The following FBXL7 variants were observed in gnomAD, a reference collection of about 807,000 sequenced individuals.
The protein encoded by FBXL7 is F-box/LRR-repeat protein 7.
Under a neutral mutation model 38.3 loss-of-function variants are expected in FBXL7, and 12 were observed. The ratio of observed to expected loss-of-function variants is 0.31; its 90% CI spans 0.20 to 0.51. The LOEUF (loss-of-function observed/expected upper bound fraction) is 0.51. Ranked by LOEUF, FBXL7 falls within the 20% of genes least tolerant of loss-of-function variation. The pLI is 0.98. For missense variants in FBXL7, 567 were observed against 676.4 expected (o/e 0.84, Z 1.79); for synonymous variants, 297 against 300.9 (o/e 0.99, Z 0.13).
intron 2 of FBXL7, among the ~76,000 whole-genome samples, chr5:15,924,324 A>T (rs1326988654): frequency 6.6e-6 from 1 of 152,232 alleles, no homozygotes; most frequent in Non-Finnish European, 1.5e-5. Flanking sequence ...TCAATTCAAG[A>T]TGTTTGTTGT....
At chr5:15,730,010 G>T (rs1289940232) in intron 2 of FBXL7, among the ~76,000 whole-genome samples, 2 of 152,240 alleles carry the variant, frequency 1.3e-5, no homozygotes, top group Non-Finnish European at 2.9e-5. Flanking sequence ...GTTCCCATGA[G>T]AAACAAATAC....
chr5:15,808,265 C>T (rs1002169666), intron 2 of FBXL7, among the ~76,000 whole-genome samples: 3 of 151,998 alleles, frequency 2.0e-5, no homozygotes, highest in African/African-American at 7.3e-5. Context: ...TATCAAATTC[C>T]ACAGATCTCT....
At chr5:15,608,474 G>A (rs1740107503) in intron 1 of FBXL7, among the ~76,000 whole-genome samples, 1 of 152,158 alleles carries the variant, frequency 6.6e-6, no homozygotes, top group Non-Finnish European at 1.5e-5. Flanking sequence ...TTGCTGTGGT[G>A]GTTACTTTTA....
At chr5:15,721,630 G>A (rs1024853894) in intron 2 of FBXL7, among the ~76,000 whole-genome samples, 1 of 151,960 alleles carries the variant, frequency 6.6e-6, no homozygotes, top group African/African-American at 2.4e-5. Context: ...TTACAAGAGA[G>A]GTGATCTTTT....
intron 2 of FBXL7, among the ~76,000 whole-genome samples, chr5:15,728,241 T>G (rs1226301634): frequency 2.6e-5 from 4 of 152,182 alleles, no homozygotes; most frequent in African/African-American, 9.7e-5. Context: ...TTGGTTTGTT[T>G]TTTTCCTCTG....
chr5:15,575,630 C>T (rs1283287782), intron 1 of FBXL7, among the ~76,000 whole-genome samples: 1 of 152,086 alleles, frequency 6.6e-6, no homozygotes, highest in Non-Finnish European at 1.5e-5. Context: ...GTTTTTGTTT[C>T]TTTGTGCTTG....
chr5:15,637,022 G>A (rs1741209302), intron 2 of FBXL7, among the ~76,000 whole-genome samples: 1 of 152,140 alleles, frequency 6.6e-6, no homozygotes, highest in African/African-American at 2.4e-5. Flanking sequence ...TTTTGGCAGA[G>A]AGGAAAGATG....
intron 2 of FBXL7, among the ~76,000 whole-genome samples, chr5:15,634,836 C>T (rs1437618476): frequency 6.6e-6 from 1 of 152,112 alleles, no homozygotes; most frequent in Non-Finnish European, 1.5e-5. Flanking sequence ...TCTCCTGCAT[C>T]TTTAAAGCCA....
At chr5:15,861,768 G>A (rs1188189747) in intron 2 of FBXL7, among the ~76,000 whole-genome samples, 1 of 152,166 alleles carries the variant, frequency 6.6e-6, no homozygotes, top group Non-Finnish European at 1.5e-5. Flanking sequence ...GCCCTCTTCA[G>A]GTCACCTGGT....
At chr5:15,830,779 CTG>C (rs1738435759) in intron 2 of FBXL7, among the ~76,000 whole-genome samples, 1 of 152,140 alleles carries the variant, frequency 6.6e-6, no homozygotes, top group Non-Finnish European at 1.5e-5. Context: ...TCCCTATTGA[CTG>C]TGCCCAAAGG....
chr5:15,929,680 G>C (rs958940000), intron 3 of FBXL7, among the ~76,000 whole-genome samples: 1 of 151,208 alleles, frequency 6.6e-6, no homozygotes, highest in African/African-American at 2.4e-5. Flanking sequence ...TGGCTGCTTT[G>C]CTTGGAAACC....
chr5:15,799,684 AAAG>A (rs2126739781), intron 2 of FBXL7, among the ~76,000 whole-genome samples: 1 of 152,254 alleles, frequency 6.6e-6, no homozygotes, highest in African/African-American at 2.4e-5. Context: ...AAAAAGGAAA[AAAG>A]GTCACAATGC....
intron 2 of FBXL7, among the ~76,000 whole-genome samples, chr5:15,830,031 G>T (rs906259985): frequency 1.3e-5 from 2 of 152,116 alleles, no homozygotes; most frequent in South Asian, 4.1e-4. Context: ...CATTTAGCAC[G>T]TTTTTTGCCC....
intron 1 of FBXL7, among the ~76,000 whole-genome samples, chr5:15,517,970 T>G (rs626130): frequency 0.035 from 5,272 of 152,116 alleles, 307 homozygotes; most frequent in African/African-American, 0.12. Flanking sequence ...CAGTGTTTTT[T>G]TGTGTGTGTT....
At chr5:15,710,164 C>G (rs1579397164) in intron 2 of FBXL7, among the ~76,000 whole-genome samples, 1 of 152,244 alleles carries the variant, frequency 6.6e-6, no homozygotes, top group East Asian at 1.9e-4. Context: ...GCCAAAAACC[C>G]CTAGGGGTTC....
chr5:15,731,464 A>T (rs557261927), intron 2 of FBXL7, among the ~76,000 whole-genome samples: 80 of 152,292 alleles, frequency 5.3e-4, no homozygotes, highest in Non-Finnish European at 9.4e-4. Flanking sequence ...TGATTCAGTC[A>T]TCTCCCACTG....
At chr5:15,865,209 G>A (rs186788857) in intron 2 of FBXL7, among the ~76,000 whole-genome samples, 14 of 152,276 alleles carry the variant, frequency 9.2e-5, no homozygotes, top group African/African-American at 3.4e-4. Flanking sequence ...TCCAGCTTCT[G>A]TGGGAGAGGA....
intron 2 of FBXL7, among the ~76,000 whole-genome samples, chr5:15,787,179 T>G (rs1737154313): frequency 1.3e-5 from 2 of 152,208 alleles, no homozygotes; most frequent in Non-Finnish European, 2.9e-5. Context: ...ACATTTCTGT[T>G]GTTTTTAAGG....
At position 15,799,357 on chromosome 5, in the gene FBXL7, T is replaced by C. The variant is rs1429187168; in HGVS notation, c.128-128533T>C. Among the ~76,000 whole-genome samples, 5 of 3,418 alleles carry C rather than the reference T, an allele frequency of 1.5e-3. No homozygotes were observed. In the East Asian group the frequency reaches 0.019, roughly 13 times the overall value. 2.2% of individuals were successfully genotyped at this position (3,418 alleles called of 152,430 possible). On this transcript the variant is annotated intron_variant, in intron 2 of 3. Transcript: ENST00000504595. ...TAGGTGCCTGCCCTAAACCCCTCCC[T>C]TTTTTTTTTTTTTTTTTTTTTGAGA...
Sources: gnomAD v4.1 joint callset for allele counts (sites outside exome capture counted in the v4.1 genomes callset) on GRCh38, gnomAD v4.1.1 for gene constraint, MANE v1.5 for transcripts, NCBI Gene and HGNC (gene_info 2026-07-23, HGNC 2026-07-21) for gene names.